DENND4C: variants seen among roughly 807,000 people sequenced by gnomAD.
The protein encoded by DENND4C is DENN domain containing 4C.
A neutral mutation model predicts 203.0 loss-of-function variants in DENND4C; 108 were observed. The observed-to-expected ratio is 0.53, with a 90% CI of 0.46 to 0.62. The LOEUF is 0.62. Ranked by LOEUF, DENND4C falls within the 20% of genes least tolerant of loss-of-function variation. DENND4C has a pLI of 0.00. For synonymous variants in DENND4C, 871 were observed against 792.4 expected (o/e 1.10, Z -1.67); for missense variants, 2,481 against 2,301.2 (o/e 1.08, Z -1.60).
chr9:19,351,238 T>C (rs1824049970), intron 24 of DENND4C, among the ~76,000 whole-genome samples: 1 of 152,176 alleles, frequency 6.6e-6, no homozygotes, highest in South Asian at 2.1e-4. Context: ...TATTCACGGA[T>C]TATATCATTA....
At position 19,316,618 on chromosome 9, in the gene DENND4C, T is replaced by C; in HGVS notation, c.1589-3T>C. The stretch of plus-strand genomic sequence containing the variant: ...CATTTTCTGTTTTTATTTCCTTTGT[T>C]AGTTCACCAAAAAACTCAAGAAGGC... On this transcript the variant is annotated splice_region_variant and splice_polypyrimidine_tract_variant and intron_variant, in intron 11 of 32. Transcript: ENST00000434457. The C allele has an allele frequency of 6.2e-7, 1 of 1,612,446 alleles. No individual in the cohort carries two copies. Among genetic ancestry groups the C allele is most frequent in the Non-Finnish European group, 8.5e-7 (1 of 1,179,474 alleles).
chr9:19,288,524 A>C, intron 3 of DENND4C, 72 bp from the exon 4 acceptor site: 2 of 885,650 alleles, frequency 2.3e-6, no homozygotes, highest in Non-Finnish European at 3.0e-6. Context: ...ATGAATCTTT[A>C]GTTGGTATCC....
At chr9:19,318,211 C>T (rs551607011) in intron 12 of DENND4C, among the ~76,000 whole-genome samples, 87 of 151,978 alleles carry the variant, frequency 5.7e-4, no homozygotes, top group African/African-American at 2.0e-3. Flanking sequence ...CCCAGCTATT[C>T]GGGAGGCTAA....
intron 1 of DENND4C, among the ~76,000 whole-genome samples, chr9:19,241,966 G>T (rs887212739): frequency 6.6e-6 from 1 of 151,598 alleles, no homozygotes; most frequent in Non-Finnish European, 1.5e-5. Context: ...TGAGATGGGC[G>T]GATTGCTTGA....
intron 30 of DENND4C, among the ~76,000 whole-genome samples, chr9:19,367,541 AC>A (rs1407388490): frequency 6.6e-6 from 1 of 152,170 alleles, no homozygotes; most frequent in Non-Finnish European, 1.5e-5. Flanking sequence ...TTCGAGACCA[AC>A]CTGGCCAACA....
At chr9:19,369,779 AT>A (rs368821074) in intron 30 of DENND4C, 57 bp from the exon 31 acceptor site, 33,733 of 715,182 alleles carry the variant, frequency 0.047, 471 homozygotes, top group African/African-American at 0.16. Context: ...AAAAAAAAAA[AT>A]AATAATAATA....
intron 1 of DENND4C, among the ~76,000 whole-genome samples, chr9:19,257,647 G>A (rs961053027): frequency 1.3e-5 from 2 of 152,092 alleles, no homozygotes; most frequent in African/African-American, 2.4e-5. Context: ...CTTCTAACCA[G>A]GCTGATCAGA....
At chr9:19,315,964 G>A (rs1841776129) in intron 10 of DENND4C, among the ~76,000 whole-genome samples, 2 of 152,066 alleles carry the variant, frequency 1.3e-5, no homozygotes, top group African/African-American at 4.8e-5. Context: ...AGATTATATT[G>A]AATAATGGCG....
At position 19,373,232 on chromosome 9, in the gene DENND4C, A is replaced by T. The variant is rs143344345; in HGVS notation, c.*1059A>T. On this transcript the variant is annotated 3_prime_UTR_variant, in exon 33 of 33. Coordinates refer to ENST00000434457, the MANE Select transcript of DENND4C (RefSeq NM_001330640.2). ...TGTATTATCTTGCTTAATGGGTTTTATCTTGATTATCCAGTTACTTCCATC... is the reference window on the plus strand; with the variant it reads ...TGTATTATCTTGCTTAATGGGTTTTTTCTTGATTATCCAGTTACTTCCATC... The T allele has an allele frequency of 5.3e-4, 81 of 152,312 alleles. No homozygotes were observed. The highest frequency in any genetic ancestry group is 1.8e-3 in the African/African-American group (73 of 41,570). The allele number at this position is 152,312 out of a possible 1,614,324, so 9.4% of individuals were successfully genotyped here.
Position 19,255,288 on chromosome 9 carries a change from C to G in DENND4C, c.-17-20870C>G, listed in dbSNP as rs554475357. 7.9e-5 allele frequency among the ~76,000 whole-genome samples: 12 copies of G among 152,006 alleles called. No individual in the cohort carries two copies. The East Asian group carries it at 1.5e-3, about 20-fold the overall frequency. On this transcript the variant is annotated intron_variant, in intron 1 of 32. Transcript: ENST00000434457. ...GATATGGTGGTGCGTGCCTGTAGTC[C>G]CAGCTACTCAGGAGGCTGAGCTAGA...
At chr9:19,315,371 A>G (rs545750392) in intron 10 of DENND4C, among the ~76,000 whole-genome samples, 15 of 151,618 alleles carry the variant, frequency 9.9e-5, no homozygotes, top group South Asian at 4.2e-4. Flanking sequence ...GATGTCCCCA[A>G]TTTTCTTGCC....
intron 12 of DENND4C, among the ~76,000 whole-genome samples, chr9:19,322,908 G>A (rs1048579924): frequency 6.6e-6 from 1 of 152,114 alleles, no homozygotes; most frequent in Admixed American, 6.5e-5. Flanking sequence ...AAAGAGATTT[G>A]AGAGGCAATG....
chr9:19,371,744 TTTG>T lies in DENND4C; in HGVS notation c.5676-9_5676-7del, dbSNP rs769090419. 1 of 1,342,764 alleles carries T rather than the reference TTTG, an allele frequency of 7.4e-7. No individual in the cohort carries two copies. 83.2% of individuals were successfully genotyped at this position (1,342,764 alleles called of 1,614,324 possible). On this transcript the variant is annotated splice_polypyrimidine_tract_variant and intron_variant, in intron 31 of 32. Transcript: ENST00000434457. ...TTTGCCCATTGACTTTTAAAACATA[TTTG>T]TTTTATAGGAGTTTATACAGAGAAA...
chr9:19,237,454 C>T (rs575152137), intron 1 of DENND4C, among the ~76,000 whole-genome samples: 3 of 152,170 alleles, frequency 2.0e-5, no homozygotes, highest in East Asian at 3.9e-4. Context: ...CGAGTTCAAG[C>T]GATTCTTCTG....
At chr9:19,365,035 T>C (rs1004114591) in intron 30 of DENND4C, among the ~76,000 whole-genome samples, 9 of 152,200 alleles carry the variant, frequency 5.9e-5, no homozygotes, top group Admixed American at 1.3e-4. Context: ...CTGAGAGCAC[T>C]CTCAAAAACA....
rs1314795353 is a variant in DENND4C at position 19,336,674 on chromosome 9, C to T, written c.2735-12C>T. ...GCATGAGTTATTGAACTGCTATTGTCCTTATCTTTAGCTCTTCAAAATGTC... is the reference window on the plus strand; with the variant it reads ...GCATGAGTTATTGAACTGCTATTGTTCTTATCTTTAGCTCTTCAAAATGTC... On this transcript the variant is annotated splice_polypyrimidine_tract_variant and intron_variant, in intron 19 of 32. Coordinates refer to ENST00000434457, the MANE Select transcript of DENND4C (RefSeq NM_001330640.2). 1.3e-6 allele frequency: 2 copies of T among 1,549,724 alleles called. No individual in the cohort carries two copies. Among genetic ancestry groups the T allele is most frequent in the Non-Finnish European group, 1.7e-6 (2 of 1,146,432 alleles).
At chr9:19,257,505 G>C (rs995925567) in intron 1 of DENND4C, among the ~76,000 whole-genome samples, 1 of 151,930 alleles carries the variant, frequency 6.6e-6, no homozygotes. Flanking sequence ...ACTTGAAAAA[G>C]AAGAGCAAAT....
chr9:19,253,784 T>A (rs1827244869), intron 1 of DENND4C, among the ~76,000 whole-genome samples: 1 of 152,294 alleles, frequency 6.6e-6, no homozygotes, highest in African/African-American at 2.4e-5. Context: ...CATTTAGTCT[T>A]GTAATTGAAG....
chr9:19,339,856 TA>T (rs1821227850), intron 20 of DENND4C, among the ~76,000 whole-genome samples: 1 of 152,220 alleles, frequency 6.6e-6, no homozygotes, highest in Non-Finnish European at 1.5e-5. Context: ...CTCCATTCTC[TA>T]TTTTTTTCTT....
Sources: gnomAD v4.1 joint callset for allele counts (sites outside exome capture counted in the v4.1 genomes callset) on GRCh38, gnomAD v4.1.1 for gene constraint, MANE v1.5 for transcripts, NCBI Gene and HGNC (gene_info 2026-07-23, HGNC 2026-07-21) for gene names.